Variants in BACH2 observed in about 807,000 individuals in gnomAD.
BACH2 encodes the protein BACH transcriptional regulator 2.
In BACH2, 5 loss-of-function variants were observed where a neutral mutation model predicts 61.8. The ratio of observed to expected loss-of-function variants is 0.08; its 90% CI spans 0.04 to 0.17. BACH2 has a LOEUF of 0.17. Ranked by LOEUF, BACH2 falls within the 10% of genes least tolerant of loss-of-function variation. The pLI is 1.00. For synonymous variants in BACH2, 446 were observed against 440.1 expected (o/e 1.01, Z -0.17); for missense variants, 824 against 1,091.1 (o/e 0.76, Z 3.45).
intron 5 of BACH2, among the ~76,000 whole-genome samples, chr6:90,019,169 T>C (rs1582207474): frequency 6.6e-6 from 1 of 152,322 alleles, no homozygotes; most frequent in East Asian, 1.9e-4. Context: ...TGGTGGAGCA[T>C]TTAATGTTCT....
At chr6:89,936,654 G>T (rs1008496554) in intron 8 of BACH2, among the ~76,000 whole-genome samples, 2 of 152,174 alleles carry the variant, frequency 1.3e-5, no homozygotes, top group African/African-American at 2.4e-5. Flanking sequence ...CTTTGTTGGT[G>T]ATGGGAGCTG....
At chr6:90,058,848 AACC>A (rs1436453197) in intron 5 of BACH2, among the ~76,000 whole-genome samples, 4 of 152,238 alleles carry the variant, frequency 2.6e-5, no homozygotes, top group Non-Finnish European at 5.9e-5. Context: ...ATCTTTGACA[AACC>A]TGACAAAAAC....
At chr6:90,043,967 G>T (rs1779661963) in intron 5 of BACH2, among the ~76,000 whole-genome samples, 1 of 152,138 alleles carries the variant, frequency 6.6e-6, no homozygotes, top group Non-Finnish European at 1.5e-5. Context: ...CTGAAACAAA[G>T]ATGGCTACTC....
At chr6:90,295,879 T>C (rs1772347294) in intron 1 of BACH2, among the ~76,000 whole-genome samples, 1 of 152,198 alleles carries the variant, frequency 6.6e-6, no homozygotes, top group African/African-American at 2.4e-5. Context: ...TGGGCTTTGA[T>C]TCCCCGCCGG....
chr6:89,927,758 A>G lies in BACH2; in HGVS notation c.*4650T>C, dbSNP rs902964289. On this transcript the variant is annotated 3_prime_UTR_variant, in exon 9 of 9. Coordinates refer to ENST00000257749, the MANE Select transcript of BACH2 (RefSeq NM_021813.4). ...TCATCTCCCAGGGTGGAGTGTAGGA[A>G]AATACTATAAACTTTTCTTTGCAAG... 6.5e-6 allele frequency: 1 copy of G among 152,810 alleles called. No homozygotes were observed. Among genetic ancestry groups the G allele is most frequent in the African/African-American group, 2.4e-5 (1 of 41,466 alleles). The allele number at this position is 152,810 out of a possible 1,614,324, so 9.5% of individuals were successfully genotyped here. A position where few individuals can be genotyped will look rare whatever the true frequency, so the allele number is the denominator to read the frequency against.
At chr6:90,284,069 T>C (rs1302582205) in intron 1 of BACH2, among the ~76,000 whole-genome samples, 1 of 152,072 alleles carries the variant, frequency 6.6e-6, no homozygotes, top group Admixed American at 6.6e-5. Flanking sequence ...TTATGTTAAA[T>C]ATACATGTTG....
chr6:89,939,939 T>G (rs1288387517), intron 7 of BACH2, among the ~76,000 whole-genome samples: 1 of 150,650 alleles, frequency 6.6e-6, no homozygotes, highest in African/African-American at 2.4e-5. Flanking sequence ...TGGGCTCAAG[T>G]GATTCTCCCT....
chr6:90,098,274 C>CT (rs1782462883), intron 4 of BACH2, among the ~76,000 whole-genome samples: 1 of 38,186 alleles, frequency 2.6e-5, no homozygotes, highest in African/African-American at 8.7e-5. Flanking sequence ...GATTTCTTTG[C>CT]CCCCCCCGCA....
rs759507506 is a variant in BACH2, at chr6:89,951,314, G to T, written c.792C>A (p.Asn264Lys). 1.2e-6 allele frequency: 2 copies of T among 1,614,234 alleles called. No homozygotes were observed. The highest frequency in any genetic ancestry group is 1.7e-6 in the Non-Finnish European group (2 of 1,180,042). Residue 264 changes from asparagine (N) to lysine (K), a missense_variant, in exon 7 of 9, where the codon AAC becomes AAA. Asn to Lys is a moderately conservative substitution (Grantham distance 94, BLOSUM62 0). Around this residue, in one of 8 missense-constraint regions of BACH2, gnomAD observed 226 missense variants for 228.5 expected, o/e 0.99. Coordinates refer to ENST00000257749, the MANE Select transcript of BACH2 (RefSeq NM_021813.4). The surrounding 1 kb of genome is among the most constrained non-coding windows in gnomAD (Gnocchi z 6.4). ...ASTFREDNSS[N>K]SLKPGLARGQ... The stretch of plus-strand genomic sequence containing the variant: ...CCCTGGCAAGCCCCGGCTTGAGGCT[G>T]TTGCTAGAGTTATCTTCCCGGAATG...
intron 8 of BACH2, among the ~76,000 whole-genome samples, 198 bp from the exon 9 acceptor site, chr6:89,933,088 T>C (rs75438698): frequency 0.011 from 1,664 of 152,254 alleles, 28 homozygotes; most frequent in African/African-American, 0.039. Context: ...TTCCATCTGA[T>C]GCCAACACCT....
chr6:90,130,412 T>A (rs1014751373), intron 4 of BACH2, among the ~76,000 whole-genome samples: 37 of 152,312 alleles, frequency 2.4e-4, no homozygotes, highest in African/African-American at 8.9e-4. Flanking sequence ...AGGAGCATTT[T>A]CTCTTTTGCC....
chr6:90,174,150 T>C (rs1032064273), intron 4 of BACH2, among the ~76,000 whole-genome samples: 3 of 152,074 alleles, frequency 2.0e-5, no homozygotes, highest in East Asian at 1.9e-4. Flanking sequence ...GACAGTCTCA[T>C]TTATGAACAT....
At chr6:90,015,965 A>G (rs1778037500) in intron 5 of BACH2, among the ~76,000 whole-genome samples, 1 of 152,094 alleles carries the variant, frequency 6.6e-6, no homozygotes, top group Non-Finnish European at 1.5e-5. Context: ...ATATATATTT[A>G]GGGTTTTTAT....
chr6:90,230,251 T>C (rs944050521), intron 3 of BACH2, among the ~76,000 whole-genome samples: 10 of 152,224 alleles, frequency 6.6e-5, no homozygotes, highest in African/African-American at 2.4e-4. Flanking sequence ...ACCTCCTTTG[T>C]TGTGAGGCTT....
chr6:90,151,140 A>C (rs1348110716), intron 4 of BACH2, among the ~76,000 whole-genome samples: 1 of 152,206 alleles, frequency 6.6e-6, no homozygotes, highest in African/African-American at 2.4e-5. Context: ...GCATTCTATC[A>C]GTTTGGAACA....
chr6:90,224,003 C>T (rs1483084575), intron 3 of BACH2, among the ~76,000 whole-genome samples: 1 of 152,152 alleles, frequency 6.6e-6, no homozygotes, highest in African/African-American at 2.4e-5. Context: ...AGTTCAAATT[C>T]CTTTGCACTG....
chr6:89,962,979 GAT>G (rs1774831917), intron 6 of BACH2, among the ~76,000 whole-genome samples: 1 of 152,118 alleles, frequency 6.6e-6, no homozygotes, highest in South Asian at 2.1e-4. Flanking sequence ...GTAAAGGGTT[GAT>G]ATATAAAGAA....
intron 2 of BACH2, among the ~76,000 whole-genome samples, chr6:90,253,005 G>C (rs181697317): frequency 6.6e-6 from 1 of 152,212 alleles, no homozygotes; most frequent in African/African-American, 2.4e-5. Flanking sequence ...AGCACTTTGG[G>C]AGGCCAAAGC....
At chr6:90,038,991 G>A (rs1341033014) in intron 5 of BACH2, among the ~76,000 whole-genome samples, 1 of 150,296 alleles carries the variant, frequency 6.7e-6, no homozygotes, top group Non-Finnish European at 1.5e-5. Context: ...AGTGAGCTGA[G>A]ATTGCACCAC....
Sources: allele counts gnomAD v4.1 joint callset (sites outside exome capture counted in the v4.1 genomes callset), GRCh38; gene constraint gnomAD v4.1.1; regional missense constraint gnomAD v4.1.1; non-coding constraint Gnocchi (gnomAD v3.1); transcripts MANE v1.5; gene names NCBI Gene and HGNC (gene_info 2026-07-23, HGNC 2026-07-21).